The following YY1 variants were observed in gnomAD, a reference collection of about 807,000 sequenced individuals.
YY1 encodes the protein transcriptional repressor protein YY1.
YY1 carries 2 observed loss-of-function variants against 35.6 expected under a neutral mutation model. The observed-to-expected ratio is 0.06, with a 90% CI of 0.02 to 0.18. The LOEUF is 0.18. YY1 is among the 10% of genes least tolerant of loss of function. YY1 has a pLI of 1.00. For missense variants in YY1, 322 were observed against 573.4 expected, an observed-to-expected ratio of 0.56 and a Z score of 4.48; for synonymous variants, 268 against 238.9, an observed-to-expected ratio of 1.12 and a Z score of -1.12.
At chr14:100,248,324 G>A (rs988015688) in intron 1 of YY1, among the ~76,000 whole-genome samples, 2 of 151,764 alleles carry the variant, frequency 1.3e-5, no homozygotes, top group South Asian at 2.1e-4. Flanking sequence ...GGGTTTCACC[G>A]TATTAACCAG....
At chr14:100,242,972 C>T (rs75279310) in intron 1 of YY1, among the ~76,000 whole-genome samples, 19,894 of 152,152 alleles carry the variant, frequency 0.13, 1,748 homozygotes, top group Non-Finnish European at 0.2. Flanking sequence ...GTACGCTGTG[C>T]ATAAGGGTAG....
chr14:100,245,732 G>A (rs1436774111), intron 1 of YY1, among the ~76,000 whole-genome samples: 2 of 151,760 alleles, frequency 1.3e-5, no homozygotes, highest in South Asian at 2.1e-4. Context: ...TCAGCCTCCC[G>A]AGTAACTGGG....
In YY1 at chr14:100,276,861, T is replaced by A. The variant is rs913385466; in HGVS notation, c.1062+213T>A. ...ATACTCTGTGGTACTGGGTACGCAA[T>A]GTATTGGTGTTGATGGAGTACACTT... On this transcript the variant is annotated intron_variant, in intron 4 of 4. Coordinates refer to ENST00000262238, the MANE Select transcript of YY1 (RefSeq NM_003403.5). The surrounding 1 kb of genome is among the most constrained non-coding windows in gnomAD (Gnocchi z 4.1). The A allele has an allele frequency of 4.8e-6, 3 of 621,050 alleles. No homozygotes were observed. The highest frequency in any genetic ancestry group is 8.4e-6 in the Non-Finnish European group (3 of 357,910). 38.5% of individuals were successfully genotyped at this position (621,050 alleles called of 1,614,324 possible). A position where few individuals can be genotyped will look rare whatever the true frequency, so the allele number is the denominator to read the frequency against.
intron 2 of YY1, among the ~76,000 whole-genome samples, chr14:100,271,643 C>CT (rs572567039): frequency 6.6e-6 from 1 of 151,158 alleles, no homozygotes; most frequent in Non-Finnish European, 1.5e-5. Flanking sequence ...TTCATTACAC[C>CT]TTATACACAT....
chr14:100,276,178 A>G lies in YY1; in HGVS notation c.904-312A>G. 2.6e-6 allele frequency: 1 copy of G among 377,492 alleles called. No homozygotes were observed. Among genetic ancestry groups the G allele is most frequent in the Non-Finnish European group, 5.0e-6 (1 of 199,216 alleles). The allele number at this position is 377,492 out of a possible 1,614,324, so 23.4% of individuals were successfully genotyped here. ...GTGAGGTGGCTGTGGTAGAGCTGGA[A>G]GCCAGGGTGTTGGGTTCTATTCCCA... is the stretch of plus-strand genomic sequence containing the variant. On this transcript the variant is annotated intron_variant, in intron 3 of 4. Coordinates refer to ENST00000262238, the MANE Select transcript of YY1 (RefSeq NM_003403.5). This position sits in a 1 kb window ranked among gnomAD's most constrained non-coding sequence, Gnocchi z 4.1.
intron 1 of YY1, among the ~76,000 whole-genome samples, chr14:100,241,515 G>A (rs1007531961): frequency 3.3e-5 from 5 of 152,196 alleles, no homozygotes; most frequent in South Asian, 2.1e-4. Context: ...GCTAACAGGC[G>A]CTGTCCTGCA....
At chr14:100,247,528 G>C (rs947812089) in intron 1 of YY1, among the ~76,000 whole-genome samples, 5 of 151,858 alleles carry the variant, frequency 3.3e-5, no homozygotes, top group African/African-American at 1.2e-4. Context: ...CTACAGGCAC[G>C]CACCACCAGG....
At chr14:100,264,614 A>C (rs971241483) in intron 2 of YY1, among the ~76,000 whole-genome samples, 16 of 152,282 alleles carry the variant, frequency 1.1e-4, no homozygotes, top group South Asian at 4.1e-4. Flanking sequence ...TCTCATATGC[A>C]GTGGGCAGCT....
chr14:100,263,743 CAG>C (rs1254874394), intron 2 of YY1: 1 of 151,406 alleles, frequency 6.6e-6, no homozygotes, highest in Non-Finnish European at 1.5e-5. Flanking sequence ...CTTTTGAGAG[CAG>C]AGTGGTAGAG....
chr14:100,254,133 G>A (rs1362134537), intron 1 of YY1, among the ~76,000 whole-genome samples: 2 of 152,138 alleles, frequency 1.3e-5, no homozygotes, highest in East Asian at 3.8e-4. Context: ...ACCACACATG[G>A]CCAAGATATT....
rs1891405285 is a variant in YY1, at chr14:100,280,681, G to C, written c.*3081G>C. 1.3e-5 allele frequency: 2 copies of C among 152,072 alleles called. No homozygotes were observed. Among genetic ancestry groups the C allele is most frequent in the African/African-American group, 4.8e-5 (2 of 41,398 alleles). The allele number at this position is 152,072 out of a possible 1,614,324, so 9.4% of individuals were successfully genotyped here. ...TTTTGCTAAATAAGACCCTTTCACAGGATAGTGTGCGCAATACCTGTCCGT... is the reference window on the plus strand; with the variant it reads ...TTTTGCTAAATAAGACCCTTTCACACGATAGTGTGCGCAATACCTGTCCGT... On this transcript the variant is annotated 3_prime_UTR_variant, in exon 5 of 5. Coordinates refer to ENST00000262238, the MANE Select transcript of YY1 (RefSeq NM_003403.5).
Position 100,277,285 on chromosome 14 carries a change from A to C in YY1, c.1063-133A>C, listed in dbSNP as rs1891335868. On this transcript the variant is annotated intron_variant, in intron 4 of 4. Coordinates refer to ENST00000262238, the MANE Select transcript of YY1 (RefSeq NM_003403.5). The surrounding 1 kb of genome is among the most constrained non-coding windows in gnomAD (Gnocchi z 5.6). ...TGCTGATTCTAGACTATATCCACAA[A>C]GTTCACCCAGGGCAGGAATGAAAAG... 3 of 1,144,228 alleles carry C rather than the reference A, an allele frequency of 2.6e-6. No individual in the cohort carries two copies. Among genetic ancestry groups the C allele is most frequent in the Non-Finnish European group, 3.9e-6 (3 of 779,074 alleles). 70.9% of individuals were successfully genotyped at this position (1,144,228 alleles called of 1,614,324 possible). A position where few individuals can be genotyped will look rare whatever the true frequency, so the allele number is the denominator to read the frequency against.
At chr14:100,248,121 C>CTTTCTTTTT (rs1555369345) in intron 1 of YY1, among the ~76,000 whole-genome samples, 62 of 117,630 alleles carry the variant, frequency 5.3e-4, no homozygotes, top group African/African-American at 1.9e-3. Context: ...ATTTTTTTTT[C>CTTTCTTTTT]TTTTTTTTTT....
chr14:100,277,970 T>C lies in YY1; in HGVS notation c.*370T>C. 1 of 228,310 alleles carries C rather than the reference T, an allele frequency of 4.4e-6. No homozygotes were observed. The highest frequency in any genetic ancestry group is 1.2e-4 in the East Asian group (1 of 8,540). 14.1% of individuals were successfully genotyped at this position (228,310 alleles called of 1,614,324 possible). A position where few individuals can be genotyped will look rare whatever the true frequency, so the allele number is the denominator to read the frequency against. Reference sequence around the variant, plus strand: ...TATGAAGCTCACCTGTTGCTTACAATTTTTTTAATTTTGTATTTTCCAAGT... The same window carrying C: ...TATGAAGCTCACCTGTTGCTTACAACTTTTTTAATTTTGTATTTTCCAAGT... On this transcript the variant is annotated 3_prime_UTR_variant, in exon 5 of 5. Coordinates refer to ENST00000262238, the MANE Select transcript of YY1 (RefSeq NM_003403.5). This position sits in a 1 kb window ranked among gnomAD's most constrained non-coding sequence, Gnocchi z 5.6.
At chr14:100,274,786 A>C in intron 3 of YY1, 28 bp downstream of exon 3, 1 of 1,601,360 alleles carries the variant, frequency 6.2e-7, no homozygotes, top group Non-Finnish European at 8.6e-7. Context: ...GAGAGTGTTC[A>C]TTAAACTGTT....
Position 100,282,430 on chromosome 14 carries a change from CG to C in YY1, c.*4832del, listed in dbSNP as rs1891452710. 1 of 151,808 alleles carries C rather than the reference CG, an allele frequency of 6.6e-6. No homozygotes were observed. 9.4% of individuals were successfully genotyped at this position (151,808 alleles called of 1,614,324 possible). On this transcript the variant is annotated 3_prime_UTR_variant, in exon 5 of 5. Transcript: ENST00000262238. ...AGGGGAGAAAGGCATCAGTACCAAA[CG>C]GAACAACCTCTTTTTTCTACATTGT... is the stretch of plus-strand genomic sequence containing the variant.
chr14:100,250,337 G>T (rs755613941), intron 1 of YY1, among the ~76,000 whole-genome samples: 8 of 152,182 alleles, frequency 5.3e-5, no homozygotes, highest in Non-Finnish European at 1.2e-4. Flanking sequence ...TCAGTGAAAG[G>T]TTGGGTGATG....
intron 2 of YY1, among the ~76,000 whole-genome samples, chr14:100,267,781 C>G (rs1248514291): frequency 1.3e-5 from 2 of 152,228 alleles, no homozygotes; most frequent in African/African-American, 4.8e-5. Context: ...CTCGGCCTCC[C>G]AAAGTGCTGG....
intron 1 of YY1, among the ~76,000 whole-genome samples, chr14:100,261,440 C>T (rs186348814): frequency 5.9e-5 from 9 of 152,138 alleles, no homozygotes; most frequent in Admixed American, 1.3e-4. Context: ...TCCACCGCCT[C>T]GGCCTTCCAA....
Sources: allele counts gnomAD v4.1 joint callset (sites outside exome capture counted in the v4.1 genomes callset), GRCh38; gene constraint gnomAD v4.1.1; non-coding constraint Gnocchi (gnomAD v3.1); transcripts MANE v1.5; gene names NCBI Gene and HGNC (gene_info 2026-07-23, HGNC 2026-07-21).